The following DYM variants were observed in gnomAD, a reference collection of about 807,000 sequenced individuals.
The protein encoded by DYM is dyggve-Melchior-Clausen syndrome protein.
Under a neutral mutation model 93.1 loss-of-function variants are expected in DYM, and 78 were observed. That is an observed-to-expected ratio of 0.84 (90% CI 0.70 to 1.01). DYM has a LOEUF of 1.01. Ranked by LOEUF, DYM falls within the 50% of genes least tolerant of loss-of-function variation. The probability of loss-of-function intolerance (pLI) is 0.00; values close to 1 mark genes in which losing one functional copy is unlikely to be tolerated. For missense variants in DYM, 789 were observed against 845.0 expected, an observed-to-expected ratio of 0.93 and a Z score of 0.82; for synonymous variants, 321 against 319.7, an observed-to-expected ratio of 1.00 and a Z score of -0.04.
intron 8 of DYM, among the ~76,000 whole-genome samples, chr18:49,307,222 G>A (rs892000183): frequency 6.6e-6 from 1 of 151,964 alleles, no homozygotes; most frequent in Non-Finnish European, 1.5e-5. Flanking sequence ...TATAATAATG[G>A]CTTCAACAAA....
At chr18:49,450,241 T>C (rs1319801020) in intron 1 of DYM, among the ~76,000 whole-genome samples, 1 of 152,208 alleles carries the variant, frequency 6.6e-6, no homozygotes, top group African/African-American at 2.4e-5. Context: ...CTTAAGACAC[T>C]AATCTGCCGT....
At chr18:49,045,990 A>G (rs1306178572) in intron 17 of DYM, among the ~76,000 whole-genome samples, 1 of 152,098 alleles carries the variant, frequency 6.6e-6, no homozygotes, top group Non-Finnish European at 1.5e-5. Context: ...AGTCCAGGGA[A>G]GGGGGAAACA....
Position 49,345,385 on chromosome 18 carries a change from G to C in DYM, c.495-11532C>G, listed in dbSNP as rs1400506283. Among the ~76,000 whole-genome samples the C allele has an allele frequency of 2.6e-5, 4 of 152,240 alleles. No homozygotes were observed. In the East Asian group the frequency reaches 7.7e-4, roughly 29 times the overall value. On this transcript the variant is annotated intron_variant, in intron 6 of 17. Coordinates refer to ENST00000675505, the MANE Select transcript of DYM (RefSeq NM_001353214.3). ...CTAAATAAAGAAGATAAATTTGGGG[G>C]ACTACTGACAACCTATCACAGGTGT...
intron 16 of DYM, among the ~76,000 whole-genome samples, chr18:49,105,587 C>T (rs970997578): frequency 3.3e-5 from 5 of 152,178 alleles, no homozygotes; most frequent in Admixed American, 3.3e-4. Context: ...GAATGTGTCC[C>T]AGAGATTCTG....
intron 14 of DYM, among the ~76,000 whole-genome samples, chr18:49,182,623 A>G (rs1443643039): frequency 6.6e-6 from 1 of 152,068 alleles, no homozygotes; most frequent in Non-Finnish European, 1.5e-5. Flanking sequence ...ATATGGTTGC[A>G]TTTATATCTA....
chr18:49,118,978 C>G, intron 15 of DYM, 52 bp from the exon 16 acceptor site: 1 of 1,493,230 alleles, frequency 6.7e-7, no homozygotes, highest in Non-Finnish European at 9.3e-7. Flanking sequence ...CTCCTTGCAA[C>G]AGAATTAATG....
At chr18:49,313,645 T>C (rs1417712442) in intron 8 of DYM, among the ~76,000 whole-genome samples, 2 of 152,068 alleles carry the variant, frequency 1.3e-5, no homozygotes, top group Non-Finnish European at 2.9e-5. Context: ...GACTGCTCTG[T>C]CTACGGAGTC....
intron 5 of DYM, among the ~76,000 whole-genome samples, chr18:49,368,307 A>C (rs2066696039): frequency 6.6e-6 from 1 of 152,250 alleles, no homozygotes; most frequent in Non-Finnish European, 1.5e-5. Flanking sequence ...AAGGGAGAGA[A>C]GAGACAGAAA....
At chr18:49,057,363 G>T (rs977999238) in intron 17 of DYM, among the ~76,000 whole-genome samples, 1 of 152,236 alleles carries the variant, frequency 6.6e-6, no homozygotes, top group Non-Finnish European at 1.5e-5. Flanking sequence ...CAGGTCTCTC[G>T]TGGACACTGC....
At chr18:49,208,623 A>ATAGTCTCAAG (rs1242324437) in intron 14 of DYM, 1 of 152,164 alleles carries the variant, frequency 6.6e-6, no homozygotes, top group African/African-American at 2.4e-5. Flanking sequence ...GATATTATGT[A>ATAGTCTCAAG]TAGTCTCAAG....
chr18:49,150,983 A>T (rs933495367), intron 15 of DYM, among the ~76,000 whole-genome samples: 3 of 152,228 alleles, frequency 2.0e-5, no homozygotes, highest in Non-Finnish European at 4.4e-5. Flanking sequence ...TGTAATAACA[A>T]ATAAATCAAG....
rs184633741 is a variant in DYM, at chr18:49,291,240, G to A, written c.764-4624C>T. Among the ~76,000 whole-genome samples the A allele has an allele frequency of 7.2e-5, 11 of 152,246 alleles. No individual in the cohort carries two copies. The South Asian group carries it at 1.2e-3, about 17-fold the overall frequency. On this transcript the variant is annotated intron_variant, in intron 8 of 17. Transcript: ENST00000675505. ...GTATAACAAAACAAGCAACTGAAAC[G>A]TTTTGTTTCTGCCGAACTAACACAG...
chr18:49,176,808 C>T (rs1379892590), intron 14 of DYM, among the ~76,000 whole-genome samples: 6 of 151,988 alleles, frequency 3.9e-5, no homozygotes, highest in African/African-American at 9.7e-5. Context: ...CACTTTACTC[C>T]TTTTATACAT....
intron 7 of DYM, 26 bp downstream of exon 7, chr18:49,333,702 T>C (rs2063472587): frequency 4.3e-6 from 7 of 1,611,408 alleles, no homozygotes; most frequent in Non-Finnish European, 5.9e-6. Flanking sequence ...ATGAAAAAAC[T>C]AGACATACTT....
chr18:49,267,200 T>TTA (rs1568135299), intron 11 of DYM, among the ~76,000 whole-genome samples: 2 of 149,130 alleles, frequency 1.3e-5, no homozygotes, highest in African/African-American at 2.5e-5. Context: ...GGTAACTTTT[T>TTA]AAAAAAAAAA....
At chr18:49,309,942 C>T (rs1436976611) in intron 8 of DYM, among the ~76,000 whole-genome samples, 1 of 152,146 alleles carries the variant, frequency 6.6e-6, no homozygotes, top group Non-Finnish European at 1.5e-5. Context: ...TCTTAGCTAT[C>T]ACAGGGACAA....
intron 1 of DYM, among the ~76,000 whole-genome samples, chr18:49,448,364 A>G (rs1373473120): frequency 6.6e-6 from 1 of 152,240 alleles, no homozygotes; most frequent in African/African-American, 2.4e-5. Flanking sequence ...CACAGGCCAT[A>G]ATAGCAGGAT....
chr18:49,378,500 T>C (rs1311991477), intron 5 of DYM, 67 bp downstream of exon 5: 23 of 1,439,978 alleles, frequency 1.6e-5, no homozygotes, highest in Non-Finnish European at 2.1e-5. Context: ...CATACTTTTA[T>C]TCCTGAAATT....
intron 17 of DYM, 74 bp from the exon 18 acceptor site, chr18:49,044,278 G>A: frequency 6.4e-7 from 1 of 1,571,174 alleles, no homozygotes; most frequent in Non-Finnish European, 8.7e-7. Flanking sequence ...GTTTGCAGGT[G>A]GTGCTGTGGT....
Sources: allele counts gnomAD v4.1 joint callset (sites outside exome capture counted in the v4.1 genomes callset), GRCh38; gene constraint gnomAD v4.1.1; transcripts MANE v1.5; gene names NCBI Gene and HGNC (gene_info 2026-07-23, HGNC 2026-07-21).